Variants in ARHGAP26 observed in about 807,000 individuals in gnomAD.
ARHGAP26 encodes Rho GTPase activating protein 26, also known as rho GTPase-activating protein 26.
In ARHGAP26, 38 loss-of-function variants were observed where a neutral mutation model predicts 104.8. The observed-to-expected ratio is 0.36, with a 90% CI of 0.28 to 0.48. ARHGAP26 has a LOEUF of 0.48. Among genes scored for constraint, ARHGAP26 ranks in the 20% least tolerant of loss-of-function variants. ARHGAP26 has a pLI of 0.99. For missense variants in ARHGAP26, 704 were observed against 947.9 expected (o/e 0.74, Z 3.38); for synonymous variants, 341 against 340.0 (o/e 1.00, Z -0.03).
chr5:143,094,143 G>A (rs964864889), intron 17 of ARHGAP26, among the ~76,000 whole-genome samples: 1 of 152,190 alleles, frequency 6.6e-6, no homozygotes, highest in African/African-American at 2.4e-5. Flanking sequence ...TCCCGACTAA[G>A]GAATGCTTTA....
At chr5:143,171,265 G>A (rs1335110615) in intron 20 of ARHGAP26, among the ~76,000 whole-genome samples, 2 of 152,128 alleles carry the variant, frequency 1.3e-5, no homozygotes, top group African/African-American at 4.8e-5. Context: ...GTTTCAGGGG[G>A]ATAAAGTGAC....
intron 1 of ARHGAP26, among the ~76,000 whole-genome samples, chr5:142,855,981 C>T (rs563883154): frequency 2.0e-5 from 3 of 152,274 alleles, no homozygotes; most frequent in South Asian, 2.1e-4. Context: ...GGTGTATAAT[C>T]GCGGCTGTGA....
intron 1 of ARHGAP26, among the ~76,000 whole-genome samples, chr5:142,863,110 T>G (rs562958201): frequency 1.0e-3 from 157 of 152,028 alleles, no homozygotes; most frequent in African/African-American, 3.6e-3. Context: ...AGTGAGGTTT[T>G]TTTTTTTTTT....
At chr5:143,040,774 G>A (rs1277931852) in intron 13 of ARHGAP26, among the ~76,000 whole-genome samples, 1 of 152,202 alleles carries the variant, frequency 6.6e-6, no homozygotes, top group Non-Finnish European at 1.5e-5. Flanking sequence ...CTATGAGGTG[G>A]GGCCATGAGC....
At chr5:142,882,256 A>G (rs533070559) in intron 4 of ARHGAP26, among the ~76,000 whole-genome samples, 1 of 152,306 alleles carries the variant, frequency 6.6e-6, no homozygotes, top group East Asian at 1.9e-4. Context: ...TAATAATAAA[A>G]CTTGCCTCGT....
At chr5:143,183,129 G>A (rs907904966) in intron 20 of ARHGAP26, among the ~76,000 whole-genome samples, 16 of 150,810 alleles carry the variant, frequency 1.1e-4, no homozygotes, top group African/African-American at 3.7e-4. Flanking sequence ...GATAAGGCCT[G>A]TAGGGGAATT....
At chr5:142,898,817 C>T (rs895079580) in intron 6 of ARHGAP26, among the ~76,000 whole-genome samples, 1 of 152,218 alleles carries the variant, frequency 6.6e-6, no homozygotes, top group Admixed American at 6.5e-5. Flanking sequence ...CTGCCCTTCT[C>T]TTTGTTGCCT....
intron 11 of ARHGAP26, among the ~76,000 whole-genome samples, chr5:142,941,384 T>C (rs1169475010): frequency 6.6e-6 from 1 of 152,190 alleles, no homozygotes; most frequent in African/African-American, 2.4e-5. Context: ...ACTTTCTTTT[T>C]AATATCACAT....
chr5:142,935,865 G>A (rs959311879), intron 11 of ARHGAP26, among the ~76,000 whole-genome samples: 2 of 151,952 alleles, frequency 1.3e-5, no homozygotes, highest in Non-Finnish European at 2.9e-5. Flanking sequence ...CTTGGCCAAG[G>A]GGGGAAATGC....
At chr5:143,045,415 C>T (rs1162598088) in intron 14 of ARHGAP26, among the ~76,000 whole-genome samples, 1 of 136,600 alleles carries the variant, frequency 7.3e-6, no homozygotes, top group African/African-American at 3.6e-5. Context: ...TACGGAATCA[C>T]CAGGGCTCTA....
chr5:143,059,706 A>G (rs548427484), intron 17 of ARHGAP26, among the ~76,000 whole-genome samples: 18 of 152,106 alleles, frequency 1.2e-4, no homozygotes, highest in African/African-American at 4.3e-4. Context: ...TTATTTTTGG[A>G]GTTGTTTACT....
At chr5:143,057,155 T>G (rs141261873) in intron 16 of ARHGAP26, among the ~76,000 whole-genome samples, 63 of 152,372 alleles carry the variant, frequency 4.1e-4, no homozygotes, top group Middle Eastern at 3.4e-3. Flanking sequence ...GCAGGCTGGT[T>G]GTCATATGTG....
intron 1 of ARHGAP26, among the ~76,000 whole-genome samples, chr5:142,844,886 G>T (rs1259791789): frequency 6.6e-6 from 1 of 151,196 alleles, no homozygotes; most frequent in East Asian, 1.9e-4. Flanking sequence ...TCTTTTAATT[G>T]ATTGTAGGAT....
chr5:143,069,500 T>C (rs540612914), intron 17 of ARHGAP26, among the ~76,000 whole-genome samples: 2 of 152,324 alleles, frequency 1.3e-5, no homozygotes, highest in East Asian at 1.9e-4. Context: ...AAAAGAGTTA[T>C]AATGGTCTCT....
chr5:143,063,956 G>C (rs984248649), intron 17 of ARHGAP26, among the ~76,000 whole-genome samples: 1 of 152,222 alleles, frequency 6.6e-6, no homozygotes, highest in Admixed American at 6.5e-5. Flanking sequence ...TGGGCAGTCT[G>C]TCTCCCTTGT....
intron 20 of ARHGAP26, among the ~76,000 whole-genome samples, chr5:143,152,220 A>G (rs1238243253): frequency 6.6e-6 from 1 of 152,188 alleles, no homozygotes; most frequent in Non-Finnish European, 1.5e-5. Flanking sequence ...AATGTAAACT[A>G]TGACCTTTAA....
intron 9 of ARHGAP26, among the ~76,000 whole-genome samples, chr5:142,909,345 A>C (rs1331304016): frequency 6.6e-6 from 1 of 152,218 alleles, no homozygotes; most frequent in South Asian, 2.1e-4. Context: ...ATTTTTATGC[A>C]ACATGTTGAG....
chr5:142,930,008 T>C (rs781457422), intron 10 of ARHGAP26, among the ~76,000 whole-genome samples: 16 of 151,220 alleles, frequency 1.1e-4, no homozygotes, highest in Non-Finnish European at 2.2e-4. Flanking sequence ...ACCTGGGGAG[T>C]TGGTTAAAAT....
At chr5:143,139,051 T>G (rs931061041) in intron 19 of ARHGAP26, among the ~76,000 whole-genome samples, 6 of 152,136 alleles carry the variant, frequency 3.9e-5, no homozygotes. Flanking sequence ...CAAGGGAAAA[T>G]GTTTCCAGTT....
Sources: gnomAD v4.1 joint callset for allele counts (sites outside exome capture counted in the v4.1 genomes callset) on GRCh38, gnomAD v4.1.1 for gene constraint, MANE v1.5 for transcripts, NCBI Gene and HGNC (gene_info 2026-07-23, HGNC 2026-07-21) for gene names.